FSTL4: variants seen among roughly 807,000 people sequenced by gnomAD.
FSTL4 encodes the protein follistatin like 4, also known as follistatin-related protein 4.
Under a neutral mutation model 78.2 loss-of-function variants are expected in FSTL4, and 28 were observed. The observed-to-expected ratio is 0.36, with a 90% CI of 0.27 to 0.49. The LOEUF (loss-of-function observed/expected upper bound fraction) is 0.49. Among genes scored for constraint, FSTL4 ranks in the 20% least tolerant of loss-of-function variants. FSTL4 has a pLI of 0.98. For synonymous variants in FSTL4, 422 were observed against 440.5 expected, an observed-to-expected ratio of 0.96 and a Z score of 0.53; for missense variants, 922 against 1,084.9, an observed-to-expected ratio of 0.85 and a Z score of 2.11.
At chr5:133,219,298 A>G (rs1751013295) in intron 12 of FSTL4, among the ~76,000 whole-genome samples, 1 of 152,148 alleles carries the variant, frequency 6.6e-6, no homozygotes, top group Non-Finnish European at 1.5e-5. Flanking sequence ...GGTGACTGCA[A>G]TAGCTTTGAA....
intron 4 of FSTL4, among the ~76,000 whole-genome samples, chr5:133,349,636 T>C (rs58615955): frequency 1.2e-4 from 18 of 147,924 alleles, no homozygotes; most frequent in African/African-American, 3.3e-4. Flanking sequence ...TGCTGCCATG[T>C]GACTGTAAAG....
In FSTL4 at chr5:133,225,786, T is replaced by C; in HGVS notation, c.1049A>G (p.Gln350Arg). 3.1e-6 allele frequency: 5 copies of C among 1,604,136 alleles called. No individual in the cohort carries two copies. The highest frequency in any genetic ancestry group is 4.3e-6 in the Non-Finnish European group (5 of 1,175,502). Residue 350 changes from glutamine to arginine, a missense_variant, in exon 9 of 16, where the codon CAG becomes CGG. Gln to Arg is a conservative substitution (Grantham distance 43). Coordinates refer to ENST00000265342, the MANE Select transcript of FSTL4 (RefSeq NM_015082.2). The surrounding 1 kb of genome is among the most constrained non-coding windows in gnomAD (Gnocchi z 4.6). ...GGCTGCCACTCCAGGCTCCTGTGCC[T>C]GGCTCTCTGGATAGACACGGATGAC... The part of the protein sequence containing the change: ...PPVIRVYPES[Q>R]AQEPGVAASL...
At chr5:133,262,236 TG>T (rs1752547705) in intron 6 of FSTL4, among the ~76,000 whole-genome samples, 1 of 152,154 alleles carries the variant, frequency 6.6e-6, no homozygotes, top group Non-Finnish European at 1.5e-5. Context: ...CCCCAGCCCC[TG>T]TTCTACAGGT....
chr5:133,331,640 CCAAA>C (rs1335708681), intron 4 of FSTL4, among the ~76,000 whole-genome samples: 3 of 152,100 alleles, frequency 2.0e-5, no homozygotes, highest in African/African-American at 7.2e-5. Context: ...GAAGAATGAC[CCAAA>C]CAGAGGGTTT....
intron 3 of FSTL4, among the ~76,000 whole-genome samples, chr5:133,481,604 G>T (rs1467427390): frequency 1.5e-4 from 23 of 151,014 alleles, no homozygotes; most frequent in Admixed American, 1.5e-3. Context: ...GTAGTCAGCT[G>T]CTCAGCTTGA....
intron 3 of FSTL4, among the ~76,000 whole-genome samples, chr5:133,500,068 C>T (rs896850405): frequency 6.6e-6 from 1 of 152,164 alleles, no homozygotes; most frequent in African/African-American, 2.4e-5. Flanking sequence ...ATTTGCTCTG[C>T]TACAGGAGTA....
intron 4 of FSTL4, among the ~76,000 whole-genome samples, chr5:133,395,231 C>T (rs1424647746): frequency 5.3e-5 from 8 of 152,306 alleles, no homozygotes; most frequent in Non-Finnish European, 1.0e-4. Context: ...ATAAATATTG[C>T]TGCTGCTCAC....
intron 2 of FSTL4, among the ~76,000 whole-genome samples, chr5:133,580,414 G>C (rs1191761422): frequency 6.6e-6 from 1 of 152,124 alleles, no homozygotes; most frequent in African/African-American, 2.4e-5. Flanking sequence ...GATATTTATT[G>C]TCCTGGAGAT....
chr5:133,445,635 A>G (rs1280921533), intron 3 of FSTL4, among the ~76,000 whole-genome samples: 1 of 152,192 alleles, frequency 6.6e-6, no homozygotes, highest in Non-Finnish European at 1.5e-5. Flanking sequence ...TAAGATACCA[A>G]GCTGAGAGCA....
At chr5:133,269,936 C>G (rs1752731699) in intron 6 of FSTL4, 2 of 152,254 alleles carry the variant, frequency 1.3e-5, no homozygotes, top group Admixed American at 6.5e-5. Context: ...CCTCCATGCC[C>G]ACGCACCTGC....
intron 3 of FSTL4, among the ~76,000 whole-genome samples, chr5:133,535,977 G>A (rs967249142): frequency 3.3e-5 from 5 of 152,210 alleles, no homozygotes; most frequent in South Asian, 4.2e-4. Flanking sequence ...TCCAGAGTAG[G>A]GACAATGCCT....
chr5:133,596,999 C>T (rs1313711102), intron 2 of FSTL4, among the ~76,000 whole-genome samples: 1 of 152,150 alleles, frequency 6.6e-6, no homozygotes, highest in African/African-American at 2.4e-5. Flanking sequence ...CAGATGGCTT[C>T]TCAGCCACCT....
chr5:133,467,293 T>C (rs1757737107), intron 3 of FSTL4, among the ~76,000 whole-genome samples: 1 of 151,862 alleles, frequency 6.6e-6, no homozygotes, highest in Non-Finnish European at 1.5e-5. Flanking sequence ...AGTGTGTATG[T>C]GTACACCACT....
intron 6 of FSTL4, among the ~76,000 whole-genome samples, chr5:133,252,920 T>C (rs982561804): frequency 3.9e-5 from 6 of 152,178 alleles, no homozygotes; most frequent in African/African-American, 1.4e-4. Flanking sequence ...CATTTGCATG[T>C]AGAAGATGTG....
rs576452339 is a variant in FSTL4 at position 133,325,804 on chromosome 5, A to G, written c.410-9152T>C. ...ACCTCACCTGAGAACCCCCCCAGAG[A>G]GGCCCAGGGGAGAGACAGGACATGC... On this transcript the variant is annotated intron_variant, in intron 4 of 15. Transcript: ENST00000265342. Among the ~76,000 whole-genome samples, 42 of 152,166 alleles carry G rather than the reference A, an allele frequency of 2.8e-4. No individual in the cohort carries two copies. In the Middle Eastern group the frequency reaches 0.01, roughly 37 times the overall value.
intron 6 of FSTL4, among the ~76,000 whole-genome samples, chr5:133,283,442 G>A (rs1327587881): frequency 2.0e-5 from 3 of 152,196 alleles, no homozygotes; most frequent in Non-Finnish European, 4.4e-5. Context: ...CACAGCTGGT[G>A]AGGAGTCTAT....
At chr5:133,240,671 A>G (rs1290979532) in intron 7 of FSTL4, among the ~76,000 whole-genome samples, 1 of 152,008 alleles carries the variant, frequency 6.6e-6, no homozygotes. Flanking sequence ...CTCTTAGCGC[A>G]TGACTCATCT....
rs547062279 is a variant in FSTL4 at position 133,435,884 on chromosome 5, A to G, written c.161-34898T>C. 2.6e-4 allele frequency among the ~76,000 whole-genome samples: 39 copies of G among 152,032 alleles called. No individual in the cohort carries two copies. The South Asian group carries it at 6.6e-3, about 26-fold the overall frequency. On this transcript the variant is annotated intron_variant, in intron 3 of 15. Coordinates refer to ENST00000265342, the MANE Select transcript of FSTL4 (RefSeq NM_015082.2). ...AATTCTACTTCCCCTCTAAATTGCTACCCTTGCTTTCTGTTTTTGTTTTTG... is the reference window on the plus strand; with the variant it reads ...AATTCTACTTCCCCTCTAAATTGCTGCCCTTGCTTTCTGTTTTTGTTTTTG...
the FSTL4 span, among the ~76,000 whole-genome samples, chr5:133,782,846 T>C: frequency 6.6e-6 from 1 of 152,192 alleles, no homozygotes; most frequent in African/African-American, 2.4e-5. Flanking sequence ...CAGGCCATCA[T>C]GAGGACAATC....
Sources: allele counts gnomAD v4.1 joint callset (sites outside exome capture counted in the v4.1 genomes callset), GRCh38; gene constraint gnomAD v4.1.1; non-coding constraint Gnocchi (gnomAD v3.1); transcripts MANE v1.5; gene names NCBI Gene and HGNC (gene_info 2026-07-23, HGNC 2026-07-21).